DOCK3: variants seen among roughly 807,000 people sequenced by gnomAD.
DOCK3 encodes dedicator of cytokinesis protein 3.
A neutral mutation model predicts 265.6 loss-of-function variants in DOCK3; 60 were observed. The ratio of observed to expected loss-of-function variants is 0.23; its 90% CI spans 0.18 to 0.28. The LOEUF (loss-of-function observed/expected upper bound fraction) is 0.28, where lower values mean the gene tolerates loss of function less well. DOCK3 is among the 10% of genes least tolerant of loss of function. The pLI is 1.00. For missense variants in DOCK3, 1,981 were observed against 2,594.3 expected (o/e 0.76, Z 5.14); for synonymous variants, 881 against 938.0 (o/e 0.94, Z 1.11).
intron 26 of DOCK3, 174 bp downstream of exon 26, chr3:51,277,928 A>C (rs1375583641): frequency 1.7e-5 from 17 of 985,126 alleles, no homozygotes; most frequent in Non-Finnish European, 1.9e-5. Context: ...CTACTCTGAA[A>C]GCTCTAGGTT....
At position 50,898,961 on chromosome 3, in the gene DOCK3, G is replaced by C. The variant is rs540050352; in HGVS notation, c.218+8880G>C. The stretch of plus-strand genomic sequence containing the variant: ...AGAGGAATGTATATTCTGTTGATTT[G>C]GGATGAAGAGTTCTGTAGATGTCTG... On this transcript the variant is annotated intron_variant, in intron 4 of 52. Transcript: ENST00000266037. Among the ~76,000 whole-genome samples the C allele has an allele frequency of 4.0e-4, 61 of 152,274 alleles. 1 individual carries two copies. The South Asian group carries it at 0.012, about 31-fold the overall frequency.
chr3:50,675,223 C>T lies in DOCK3; in HGVS notation c.-41C>T. 8.8e-7 allele frequency: 1 copy of T among 1,135,042 alleles called. No homozygotes were observed. The allele number at this position is 1,135,042 out of a possible 1,614,324, so 70.3% of individuals were successfully genotyped here. A position where few individuals can be genotyped will look rare whatever the true frequency, so the allele number is the denominator to read the frequency against. On this transcript the variant is annotated 5_prime_UTR_variant, in exon 1 of 53. Transcript: ENST00000266037. This position sits in a 1 kb window ranked among gnomAD's most constrained non-coding sequence, Gnocchi z 6.1. ...CCCGCGGCCGTCCCCGCCGCGTTGT[C>T]GCCCGGTCGCCGCGCCCGCGGGGCC...
chr3:51,218,143 C>T (rs1265002991), intron 14 of DOCK3, among the ~76,000 whole-genome samples: 2 of 148,046 alleles, frequency 1.4e-5, no homozygotes, highest in Non-Finnish European at 3.0e-5. Context: ...AAAATAAAAC[C>T]TCTTGCTCGG....
chr3:51,313,016 C>T (rs1380625341), intron 31 of DOCK3, 114 bp downstream of exon 31: 4 of 952,986 alleles, frequency 4.2e-6, no homozygotes, highest in Admixed American at 4.3e-5. Context: ...CCAAGAGATC[C>T]TTACATATCT....
In DOCK3 at chr3:50,907,203, G is replaced by A. The variant is rs13085645; in HGVS notation, c.218+17122G>A. ...ATGTTGATTTTGGAATAAGTGTGAC[G>A]TGGTGCTGAGAAGAATGTATATTCT... is the stretch of plus-strand genomic sequence containing the variant. On this transcript the variant is annotated intron_variant, in intron 4 of 52. Coordinates refer to ENST00000266037, the MANE Select transcript of DOCK3 (RefSeq NM_004947.5). Among the ~76,000 whole-genome samples, 499 of 152,206 alleles carry A rather than the reference G, an allele frequency of 3.3e-3. 12 individuals are homozygous for A. The highest frequency in any genetic ancestry group is 0.011 in the African/African-American group (454 of 41,480).
intron 4 of DOCK3, among the ~76,000 whole-genome samples, chr3:50,907,955 A>G (rs571833328): frequency 3.9e-5 from 6 of 151,962 alleles, no homozygotes; most frequent in African/African-American, 1.2e-4. Context: ...TTGGGAGGGC[A>G]TATGCATCCA....
At chr3:50,690,135 C>CTTT (rs540586646) in intron 1 of DOCK3, among the ~76,000 whole-genome samples, 2 of 139,748 alleles carry the variant, frequency 1.4e-5, no homozygotes, top group Non-Finnish European at 3.1e-5. Flanking sequence ...CTATTTTTAC[C>CTTT]TTTTTTTTTT....
At chr3:51,060,938 G>A (rs1409462867) in intron 5 of DOCK3, among the ~76,000 whole-genome samples, 3 of 152,230 alleles carry the variant, frequency 2.0e-5, no homozygotes, top group Non-Finnish European at 4.4e-5. Flanking sequence ...AGACATTTAT[G>A]CAGCCAACAG....
chr3:51,052,523 A>G (rs11710311), intron 5 of DOCK3, among the ~76,000 whole-genome samples: 3,695 of 152,310 alleles, frequency 0.024, 70 homozygotes, highest in Middle Eastern at 0.041. Flanking sequence ...TGAATGGACT[A>G]GAGTAGACTA....
intron 27 of DOCK3, among the ~76,000 whole-genome samples, chr3:51,281,484 A>C (rs576526554): frequency 1.3e-5 from 2 of 151,876 alleles, no homozygotes; most frequent in Non-Finnish European, 2.9e-5. Context: ...TTGGTCATCA[A>C]ATCTGGTGAG....
chr3:50,729,178 A>G (rs1349899504), intron 1 of DOCK3, among the ~76,000 whole-genome samples: 1 of 148,072 alleles, frequency 6.8e-6, no homozygotes, highest in Non-Finnish European at 1.5e-5. Context: ...AAAATTAGCC[A>G]GGTGTGGTGA....
At chr3:51,118,884 G>T (rs542653607) in intron 9 of DOCK3, among the ~76,000 whole-genome samples, 2 of 152,038 alleles carry the variant, frequency 1.3e-5, no homozygotes, top group Admixed American at 1.3e-4. Flanking sequence ...CATGAGATGG[G>T]TCTTCTGAAT....
At chr3:51,246,900 A>G in intron 22 of DOCK3, 93 bp downstream of exon 22, 2 of 1,247,560 alleles carry the variant, frequency 1.6e-6, no homozygotes, top group Non-Finnish European at 2.3e-6. Context: ...AAATGTAGAC[A>G]TCGCAGTACC....
intron 9 of DOCK3, among the ~76,000 whole-genome samples, chr3:51,101,435 T>C (rs1301438919): frequency 6.6e-6 from 1 of 152,168 alleles, no homozygotes; most frequent in African/African-American, 2.4e-5. Context: ...TTAGTCTTTC[T>C]TAGAAAATTG....
chr3:51,226,243 G>A lies in DOCK3; in HGVS notation c.1377+470G>A, dbSNP rs2090320589. 6.6e-5 allele frequency among the ~76,000 whole-genome samples: 10 copies of A among 152,200 alleles called. No individual in the cohort carries two copies. In the South Asian group the frequency reaches 2.1e-3, roughly 32 times the overall value. ...CAGACTCAGGCCGTGGAAGATTTAA[G>A]CCAATGTAGTACAAGTGTCCTCTGT... On this transcript the variant is annotated intron_variant, in intron 15 of 52. Transcript: ENST00000266037.
intron 35 of DOCK3, among the ~76,000 whole-genome samples, chr3:51,333,460 T>C (rs2084663794): frequency 6.6e-6 from 1 of 152,082 alleles, no homozygotes; most frequent in Non-Finnish European, 1.5e-5. Flanking sequence ...CCTCCTGGGA[T>C]TCCCCACTAA....
Position 51,354,090 on chromosome 3 carries a change from A to C in DOCK3, c.4108-792A>C, listed in dbSNP as rs375515581. Among the ~76,000 whole-genome samples the C allele has an allele frequency of 2.6e-5, 4 of 152,324 alleles. No homozygotes were observed. The East Asian group carries it at 5.8e-4, about 22-fold the overall frequency. On this transcript the variant is annotated intron_variant, in intron 40 of 52. Coordinates refer to ENST00000266037, the MANE Select transcript of DOCK3 (RefSeq NM_004947.5). ...TTATTTGTTCTGCTGACATGTTTGC[A>C]AAGAAATTTGCTGCCAAAGGGTTAC...
At chr3:51,136,562 A>G (rs935735280) in intron 9 of DOCK3, among the ~76,000 whole-genome samples, 26 of 152,052 alleles carry the variant, frequency 1.7e-4, no homozygotes, top group Non-Finnish European at 3.4e-4. Flanking sequence ...CTATGCAATT[A>G]TAGCATTTTC....
intron 2 of DOCK3, among the ~76,000 whole-genome samples, chr3:50,815,879 A>G (rs1301185925): frequency 1.3e-5 from 2 of 152,220 alleles, no homozygotes; most frequent in Non-Finnish European, 1.5e-5. Context: ...CAGAATGTGC[A>G]TTTTGTAAGG....
Sources: gnomAD v4.1 joint callset for allele counts (sites outside exome capture counted in the v4.1 genomes callset) on GRCh38, gnomAD v4.1.1 for gene constraint, Gnocchi (gnomAD v3.1) non-coding constraint, MANE v1.5 for transcripts, NCBI Gene and HGNC (gene_info 2026-07-23, HGNC 2026-07-21) for gene names.